MDGA2: variants seen among roughly 807,000 people sequenced by gnomAD.
MDGA2 encodes the protein MAM domain-containing glycosylphosphatidylinositol anchor protein 2.
Under a neutral mutation model 117.8 loss-of-function variants are expected in MDGA2, and 40 were observed. The observed-to-expected ratio is 0.34, with a 90% CI of 0.26 to 0.44. The LOEUF is 0.44. MDGA2 is among the 20% of genes least tolerant of loss of function. The pLI, the probability that MDGA2 is intolerant of heterozygous loss-of-function variation, is 1.00. For synonymous variants in MDGA2, 452 were observed against 439.0 expected, an observed-to-expected ratio of 1.03 and a Z score of -0.37; for missense variants, 1,123 against 1,250.6, an observed-to-expected ratio of 0.90 and a Z score of 1.54.
chr14:47,437,045 C>A (rs1180930545), intron 1 of MDGA2, among the ~76,000 whole-genome samples: 2 of 152,236 alleles, frequency 1.3e-5, no homozygotes, highest in East Asian at 1.9e-4. Flanking sequence ...AAAGAGCAGG[C>A]ACATTACTTC....
chr14:46,931,184 C>T (rs964175109), intron 9 of MDGA2, among the ~76,000 whole-genome samples: 1 of 139,050 alleles, frequency 7.2e-6, no homozygotes, highest in Non-Finnish European at 1.5e-5. Context: ...CACTACACTC[C>T]AGCATGGGTG....
intron 7 of MDGA2, among the ~76,000 whole-genome samples, chr14:47,038,710 G>A (rs1888950748): frequency 6.6e-6 from 1 of 151,914 alleles, no homozygotes; most frequent in South Asian, 2.1e-4. Flanking sequence ...GGCCGAGGAG[G>A]GCAGATCACA....
chr14:47,117,493 C>T (rs994202724), intron 5 of MDGA2, among the ~76,000 whole-genome samples: 3 of 151,996 alleles, frequency 2.0e-5, no homozygotes, highest in East Asian at 1.9e-4. Flanking sequence ...AAGAGGTGCA[C>T]GTAACCTAAA....
chr14:47,422,104 C>T (rs754263862), intron 1 of MDGA2, among the ~76,000 whole-genome samples: 3 of 151,994 alleles, frequency 2.0e-5, no homozygotes, highest in African/African-American at 4.8e-5. Flanking sequence ...ATTTCCAGGC[C>T]AGCATTTTCT....
At chr14:47,384,303 G>A (rs1891708960) in intron 1 of MDGA2, among the ~76,000 whole-genome samples, 1 of 150,300 alleles carries the variant, frequency 6.7e-6, no homozygotes, top group South Asian at 2.1e-4. Flanking sequence ...CACATGAGGG[G>A]ATCTAGTATC....
chr14:46,981,709 C>T (rs943121539), intron 8 of MDGA2, among the ~76,000 whole-genome samples: 10 of 152,146 alleles, frequency 6.6e-5, no homozygotes, highest in African/African-American at 9.7e-5. Context: ...GTTATCATGA[C>T]CTGTTTTGTA....
At chr14:47,598,188 G>T (rs1896582485) in intron 1 of MDGA2, among the ~76,000 whole-genome samples, 1 of 152,070 alleles carries the variant, frequency 6.6e-6, no homozygotes, top group Non-Finnish European at 1.5e-5. Flanking sequence ...TGTTAGTAAG[G>T]ATATTGAAAA....
chr14:47,188,348 CT>C (rs1399683770), intron 3 of MDGA2, among the ~76,000 whole-genome samples: 1 of 152,154 alleles, frequency 6.6e-6, no homozygotes, highest in African/African-American at 2.4e-5. Context: ...CTTGCTTGCT[CT>C]AAGAGAAGGT....
intron 2 of MDGA2, among the ~76,000 whole-genome samples, chr14:47,234,358 C>G (rs912025987): frequency 3.3e-5 from 5 of 151,648 alleles, no homozygotes; most frequent in Non-Finnish European, 5.9e-5. Flanking sequence ...ATTATAGACA[C>G]CGTTTATCAA....
intron 5 of MDGA2, among the ~76,000 whole-genome samples, chr14:47,124,750 G>T (rs537243255): frequency 2.0e-5 from 3 of 151,894 alleles, no homozygotes; most frequent in Non-Finnish European, 4.4e-5. Flanking sequence ...GACACTAGAG[G>T]AAGGGACACT....
chr14:46,909,315 TTAG>T (rs1343734220), intron 10 of MDGA2, among the ~76,000 whole-genome samples: 1 of 152,202 alleles, frequency 6.6e-6, no homozygotes, highest in African/African-American at 2.4e-5. Context: ...AAGGCAGAAC[TTAG>T]TAGTAATTTG....
chr14:46,960,949 T>C (rs111827439), intron 8 of MDGA2, among the ~76,000 whole-genome samples: 16,723 of 147,652 alleles, frequency 0.11, 1,766 homozygotes, highest in African/African-American at 0.25. Context: ...TATATATATA[T>C]ACACACACAC....
chr14:47,512,002 C>T (rs1305463530), intron 1 of MDGA2, among the ~76,000 whole-genome samples: 2 of 152,086 alleles, frequency 1.3e-5, no homozygotes, highest in East Asian at 1.9e-4. Context: ...ATTTTGCATA[C>T]CTAAGCACAA....
chr14:47,597,225 A>G (rs746207478), intron 1 of MDGA2, among the ~76,000 whole-genome samples: 17 of 152,312 alleles, frequency 1.1e-4, no homozygotes, highest in Non-Finnish European at 2.1e-4. Context: ...ATTAAAATAA[A>G]TTCAAGATTA....
chr14:47,351,903 ACAC>A (rs1890891714), intron 1 of MDGA2, among the ~76,000 whole-genome samples: 1 of 118 alleles, frequency 8.5e-3, no homozygotes, highest in Non-Finnish European at 0.017. Context: ...TCTAAATTAA[ACAC>A]ACACACACAC....
At chr14:47,296,710 T>C (rs1251407687) in intron 2 of MDGA2, among the ~76,000 whole-genome samples, 2 of 152,246 alleles carry the variant, frequency 1.3e-5, no homozygotes, top group African/African-American at 4.8e-5. Context: ...AAGGAAACTA[T>C]GCTACAGCAA....
chr14:47,567,752 A>C (rs988089364), intron 1 of MDGA2, among the ~76,000 whole-genome samples: 1 of 152,134 alleles, frequency 6.6e-6, no homozygotes, highest in African/African-American at 2.4e-5. Context: ...GTTCCACTAA[A>C]CTAAGGCCTT....
intron 8 of MDGA2, among the ~76,000 whole-genome samples, chr14:47,003,124 G>A (rs571033363): frequency 1.3e-5 from 2 of 152,206 alleles, no homozygotes; most frequent in East Asian, 3.9e-4. Flanking sequence ...AAAAAAGCTG[G>A]CTTCTTCCAT....
intron 3 of MDGA2, among the ~76,000 whole-genome samples, chr14:47,183,856 G>A (rs1349854181): frequency 6.6e-6 from 1 of 151,900 alleles, no homozygotes; most frequent in Non-Finnish European, 1.5e-5. Flanking sequence ...TCTTGCTTCT[G>A]TGCCTTATAT....
Sources: gnomAD v4.1 joint callset for allele counts (sites outside exome capture counted in the v4.1 genomes callset) on GRCh38, gnomAD v4.1.1 for gene constraint, MANE v1.5 for transcripts, NCBI Gene and HGNC (gene_info 2026-07-23, HGNC 2026-07-21) for gene names.